The following RFX3 variants were observed in gnomAD, a reference collection of about 807,000 sequenced individuals.
RFX3 encodes regulatory factor X3.
RFX3 carries 14 observed loss-of-function variants against 98.6 expected under a neutral mutation model. The observed-to-expected ratio is 0.14, with a 90% CI of 0.09 to 0.22. The LOEUF is 0.22. Among genes scored for constraint, RFX3 ranks in the 10% least tolerant of loss-of-function variants. The pLI is 1.00. For missense variants in RFX3, 639 were observed against 926.9 expected (o/e 0.69, Z 4.03); for synonymous variants, 383 against 328.4 (o/e 1.17, Z -1.80).
intron 15 of RFX3, among the ~76,000 whole-genome samples, chr9:3,235,230 G>C (rs961434164): frequency 2.6e-5 from 4 of 152,260 alleles, no homozygotes; most frequent in Admixed American, 1.3e-4. Flanking sequence ...AAGACGTAAA[G>C]AGAGAGTCTA....
At position 3,225,016 on chromosome 9, in the gene RFX3, G is replaced by C; in HGVS notation, c.*26C>G. ...CCCAATATCAACAGGGTTAATGTAAGCTGGAAAAATACGCTTTAATATTCT... is the reference window on the plus strand; with the variant it reads ...CCCAATATCAACAGGGTTAATGTAACCTGGAAAAATACGCTTTAATATTCT... On this transcript the variant is annotated 3_prime_UTR_variant, in exon 17 of 17. Transcript: ENST00000617270. 1 of 1,606,532 alleles carries C rather than the reference G, an allele frequency of 6.2e-7. No individual in the cohort carries two copies. The highest frequency in any genetic ancestry group is 8.5e-7 in the Non-Finnish European group (1 of 1,173,998).
chr9:3,294,920 T>C lies in RFX3; in HGVS notation c.550-1662A>G, dbSNP rs143325053. 8.2e-3 allele frequency among the ~76,000 whole-genome samples: 1,248 copies of C among 152,260 alleles called. 9 individuals carry two copies. The highest frequency in any genetic ancestry group is 0.011 in the Non-Finnish European group (729 of 67,976). ...TCTTAACATATACAAGGCTGACCTA[T>C]AGAAGTTTAAAAAGATTACACAAAA... On this transcript the variant is annotated intron_variant, in intron 5 of 16. Coordinates refer to ENST00000617270, the MANE Select transcript of RFX3 (RefSeq NM_001282116.2).
rs779358826 is a variant in RFX3, at chr9:3,275,426, G to A, written c.1086+74C>T. On this transcript the variant is annotated intron_variant, in intron 9 of 16. Coordinates refer to ENST00000617270, the MANE Select transcript of RFX3 (RefSeq NM_001282116.2). The stretch of plus-strand genomic sequence containing the variant: ...AAGTTCACCTGTCCTTTAGGAATAA[G>A]CTTGATTATTTTATATTAGCAAGTT... 7 of 818,104 alleles carry A rather than the reference G, an allele frequency of 8.6e-6. No homozygotes were observed. In the African/African-American group the frequency reaches 1.2e-4, roughly 14 times the overall value. 50.7% of individuals were successfully genotyped at this position (818,104 alleles called of 1,614,324 possible).
rs570226375 is a variant in RFX3, at chr9:3,454,898, C to T, written c.-8-59302G>A. On this transcript the variant is annotated intron_variant, in intron 1 of 16. Coordinates refer to ENST00000617270, the MANE Select transcript of RFX3 (RefSeq NM_001282116.2). The stretch of plus-strand genomic sequence containing the variant: ...TGATTTACACAAGGCCACTAAGCTA[C>T]GAATGGTAAAACTGAGACTCATACC... Among the ~76,000 whole-genome samples, 9 of 152,194 alleles carry T rather than the reference C, an allele frequency of 5.9e-5. No individual in the cohort carries two copies. In the South Asian group the frequency reaches 6.2e-4, roughly 10 times the overall value.
intron 1 of RFX3, among the ~76,000 whole-genome samples, chr9:3,407,698 T>C (rs902525499): frequency 6.6e-6 from 1 of 152,188 alleles, no homozygotes; most frequent in African/African-American, 2.4e-5. Flanking sequence ...GGGAATTAGA[T>C]ATGCTATAAT....
At chr9:3,240,409 T>C (rs1376364814) in intron 15 of RFX3, among the ~76,000 whole-genome samples, 2 of 152,194 alleles carry the variant, frequency 1.3e-5, no homozygotes, top group African/African-American at 4.8e-5. Context: ...TATTATTTAA[T>C]AGGAAAGCAT....
intron 3 of RFX3, among the ~76,000 whole-genome samples, chr9:3,341,416 TA>T (rs34541119): frequency 0.3 from 43,429 of 146,966 alleles, 8,962 homozygotes; most frequent in African/African-American, 0.6. Flanking sequence ...ATAATAAAAT[TA>T]AAAAAAAAAA....
intron 1 of RFX3, among the ~76,000 whole-genome samples, chr9:3,467,215 A>C (rs1026476434): frequency 2.8e-5 from 4 of 144,144 alleles, no homozygotes; most frequent in African/African-American, 1.0e-4. Context: ...GTATATACAT[A>C]TATAATGTAT....
chr9:3,507,202 A>G (rs1817189115), intron 1 of RFX3, among the ~76,000 whole-genome samples: 1 of 151,966 alleles, frequency 6.6e-6, no homozygotes. Context: ...AGATAATAAG[A>G]AATTACTAGA....
chr9:3,294,393 C>T (rs1446405759), intron 5 of RFX3, among the ~76,000 whole-genome samples: 1 of 151,882 alleles, frequency 6.6e-6, no homozygotes, highest in Non-Finnish European at 1.5e-5. Context: ...ATTATAGAAG[C>T]CAAAGAATTC....
At chr9:3,329,710 G>C (rs544773246) in intron 4 of RFX3, among the ~76,000 whole-genome samples, 2 of 152,180 alleles carry the variant, frequency 1.3e-5, no homozygotes, top group African/African-American at 4.8e-5. Flanking sequence ...TATTTTAAAA[G>C]TGAGTCAACT....
At chr9:3,330,961 C>T (rs1384380078) in intron 3 of RFX3, among the ~76,000 whole-genome samples, 1 of 152,188 alleles carries the variant, frequency 6.6e-6, no homozygotes, top group African/African-American at 2.4e-5. Flanking sequence ...GGGTGACATC[C>T]AATAAACCTC....
chr9:3,343,783 T>C (rs1834149914), intron 3 of RFX3, among the ~76,000 whole-genome samples: 1 of 152,192 alleles, frequency 6.6e-6, no homozygotes, highest in African/African-American at 2.4e-5. Flanking sequence ...AGTGCACATT[T>C]GTGACATTAT....
At chr9:3,314,166 C>T (rs1386011736) in intron 4 of RFX3, among the ~76,000 whole-genome samples, 7 of 152,174 alleles carry the variant, frequency 4.6e-5, no homozygotes, top group African/African-American at 1.7e-4. Context: ...AGACTAACAG[C>T]GGATCTCTTG....
intron 2 of RFX3, among the ~76,000 whole-genome samples, chr9:3,366,340 C>T (rs906518712): frequency 2.6e-5 from 4 of 152,138 alleles, no homozygotes; most frequent in Admixed American, 2.0e-4. Flanking sequence ...CTTAACAATA[C>T]ATCTTTGGAG....
intron 15 of RFX3, 23 bp from the exon 16 acceptor site, chr9:3,228,912 G>A: frequency 2.5e-6 from 4 of 1,602,350 alleles, no homozygotes; most frequent in South Asian, 1.1e-5. Flanking sequence ...AGTCATTTGT[G>A]CAATAGTTAA....
intron 1 of RFX3, among the ~76,000 whole-genome samples, chr9:3,463,880 G>A (rs909082190): frequency 1.3e-5 from 2 of 152,072 alleles, no homozygotes; most frequent in African/African-American, 4.8e-5. Context: ...GGGTGAGGTG[G>A]GAGGATTGTT....
chr9:3,228,736 G>A, intron 16 of RFX3, 111 bp downstream of exon 16: 1 of 812,630 alleles, frequency 1.2e-6, no homozygotes, highest in Non-Finnish European at 1.9e-6. Context: ...TCTAGGATTT[G>A]TATGCCACTT....
intron 15 of RFX3, among the ~76,000 whole-genome samples, chr9:3,241,041 A>G (rs569029035): frequency 6.6e-5 from 10 of 152,312 alleles, no homozygotes; most frequent in Non-Finnish European, 1.5e-4. Flanking sequence ...TGACCATTTT[A>G]GTCCTTGAAA....
Sources: allele counts gnomAD v4.1 joint callset (sites outside exome capture counted in the v4.1 genomes callset), GRCh38; gene constraint gnomAD v4.1.1; transcripts MANE v1.5; gene names NCBI Gene and HGNC (gene_info 2026-07-23, HGNC 2026-07-21).